LHFPL3: variants seen among roughly 807,000 people sequenced by gnomAD.
LHFPL3 encodes the protein LHFPL tetraspan subfamily member 3 protein.
A neutral mutation model predicts 19.3 loss-of-function variants in LHFPL3; 5 were observed. The ratio of observed to expected loss-of-function variants is 0.26; its 90% CI spans 0.14 to 0.54. LHFPL3 has a LOEUF of 0.54. Among genes scored for constraint, LHFPL3 ranks in the 20% least tolerant of loss-of-function variants. The pLI is 0.94. For synonymous variants in LHFPL3, 133 were observed against 126.2 expected (o/e 1.05, Z -0.36); for missense variants, 249 against 307.4 (o/e 0.81, Z 1.42).
At chr7:104,577,834 A>G (rs1232862328) in intron 1 of LHFPL3, among the ~76,000 whole-genome samples, 1 of 152,192 alleles carries the variant, frequency 6.6e-6, no homozygotes. Context: ...TTCTGGCCCA[A>G]GACTCCTAAT....
chr7:104,674,287 A>T (rs1792545239), intron 1 of LHFPL3, among the ~76,000 whole-genome samples: 1 of 152,106 alleles, frequency 6.6e-6, no homozygotes, highest in Non-Finnish European at 1.5e-5. Context: ...GTAAAAAAAA[A>T]ATCTTAAAAA....
At chr7:104,453,488 A>G (rs1049259617) in intron 1 of LHFPL3, among the ~76,000 whole-genome samples, 1 of 152,156 alleles carries the variant, frequency 6.6e-6, no homozygotes, top group African/African-American at 2.4e-5. Flanking sequence ...TGAGAAAGAC[A>G]TTCCTGGGTT....
At chr7:104,604,659 AT>A (rs1261928736) in intron 1 of LHFPL3, among the ~76,000 whole-genome samples, 2 of 152,242 alleles carry the variant, frequency 1.3e-5, no homozygotes, top group African/African-American at 4.8e-5. Flanking sequence ...AAGTGCTGGA[AT>A]TCTAATCTAC....
At chr7:104,543,531 T>C (rs1202268902) in intron 1 of LHFPL3, among the ~76,000 whole-genome samples, 1 of 151,656 alleles carries the variant, frequency 6.6e-6, no homozygotes, top group East Asian at 1.9e-4. Context: ...CCAACAATGA[T>C]AGACTGGATT....
intron 1 of LHFPL3, among the ~76,000 whole-genome samples, chr7:104,393,362 T>G (rs540884530): frequency 4.9e-4 from 75 of 151,896 alleles, no homozygotes; most frequent in Middle Eastern, 3.4e-3. Context: ...AACATATGCA[T>G]GAAGATCCAT....
chr7:104,592,484 G>C (rs111255073), intron 1 of LHFPL3, among the ~76,000 whole-genome samples: 18 of 151,402 alleles, frequency 1.2e-4, no homozygotes, highest in Non-Finnish European at 2.7e-4. Flanking sequence ...TCTCAGAGGA[G>C]CACCCAGCTG....
intron 2 of LHFPL3, among the ~76,000 whole-genome samples, chr7:104,778,026 C>G (rs896560398): frequency 1.3e-5 from 2 of 152,188 alleles, no homozygotes; most frequent in African/African-American, 2.4e-5. Flanking sequence ...TAAGCTCCTT[C>G]CATGACAATC....
intron 1 of LHFPL3, among the ~76,000 whole-genome samples, chr7:104,355,271 C>T (rs1181430254): frequency 6.6e-6 from 1 of 152,162 alleles, no homozygotes; most frequent in Non-Finnish European, 1.5e-5. Flanking sequence ...CCCCAATTCC[C>T]CCAATGGTAC....
chr7:104,792,706 T>C (rs1280775968), intron 2 of LHFPL3, among the ~76,000 whole-genome samples: 2 of 152,220 alleles, frequency 1.3e-5, no homozygotes, highest in African/African-American at 4.8e-5. Flanking sequence ...AATGAGATGA[T>C]CCACAAATAT....
chr7:104,594,082 T>C (rs1403705616), intron 1 of LHFPL3, among the ~76,000 whole-genome samples: 1 of 152,230 alleles, frequency 6.6e-6, no homozygotes, highest in Non-Finnish European at 1.5e-5. Context: ...GTCATTATGA[T>C]GTTAGCTGGT....
intron 1 of LHFPL3, among the ~76,000 whole-genome samples, chr7:104,458,069 TG>T: frequency 6.6e-6 from 1 of 151,630 alleles, no homozygotes; most frequent in East Asian, 1.9e-4. Flanking sequence ...GTAGGTTGCC[TG>T]TTCACTCTGA....
At chr7:104,480,455 T>A (rs961390421) in intron 1 of LHFPL3, among the ~76,000 whole-genome samples, 1 of 152,080 alleles carries the variant, frequency 6.6e-6, no homozygotes, top group Non-Finnish European at 1.5e-5. Flanking sequence ...GAAAATTCCC[T>A]GTATTTGGAA....
rs111975783 is a variant in LHFPL3 at position 104,649,588 on chromosome 7, C to T, written c.446-87087C>T. ...CAGGAGACCAGCCCAGAGAGGTGGA[C>T]GGGGCCAAACCATAACATTTGATGG... On this transcript the variant is annotated intron_variant, in intron 1 of 2. Transcript: ENST00000424859. 3.4e-4 allele frequency among the ~76,000 whole-genome samples: 51 copies of T among 152,226 alleles called. 2 individuals carry two copies. In the South Asian group the frequency reaches 5.4e-3, roughly 16 times the overall value.
chr7:104,343,319 C>T lies in LHFPL3; in HGVS notation c.445+14095C>T, dbSNP rs138577182. Among the ~76,000 whole-genome samples the T allele has an allele frequency of 2.9e-3, 446 of 151,748 alleles. 4 individuals carry two copies. Among genetic ancestry groups the T allele is most frequent in the African/African-American group, 0.01 (428 of 41,382 alleles). ...CATGAGGTCAGGGGTTCAAGACCAG[C>T]CTGGCCAACAGAGTGAAACCCCATC... On this transcript the variant is annotated intron_variant, in intron 1 of 2. Transcript: ENST00000424859.
chr7:104,758,218 G>C (rs113519061), intron 2 of LHFPL3, among the ~76,000 whole-genome samples: 2 of 152,128 alleles, frequency 1.3e-5, no homozygotes, highest in African/African-American at 4.8e-5. Flanking sequence ...GGCAGGCAAA[G>C]GGTTGAAAAA....
At position 104,573,597 on chromosome 7, in the gene LHFPL3, C is replaced by A. The variant is rs1384270161; in HGVS notation, c.446-163078C>A. Among the ~76,000 whole-genome samples the A allele has an allele frequency of 2.0e-5, 3 of 152,140 alleles. No individual in the cohort carries two copies. In the East Asian group the frequency reaches 5.8e-4, roughly 29 times the overall value. ...CTCCCTTTGGAATTATTTTGTCACC[C>A]CTGTTCACAGCTACATTCACACCTA... On this transcript the variant is annotated intron_variant, in intron 1 of 2. Coordinates refer to ENST00000424859, the MANE Select transcript of LHFPL3 (RefSeq NM_199000.3).
At chr7:104,357,598 G>A (rs1409927697) in intron 1 of LHFPL3, among the ~76,000 whole-genome samples, 1 of 152,154 alleles carries the variant, frequency 6.6e-6, no homozygotes, top group Non-Finnish European at 1.5e-5. Flanking sequence ...AAAACCAAAA[G>A]GAGATAAATA....
intron 1 of LHFPL3, among the ~76,000 whole-genome samples, chr7:104,645,441 GC>G (rs113457359): frequency 1.3e-5 from 2 of 152,074 alleles, no homozygotes; most frequent in African/African-American, 4.8e-5. Context: ...AAATATAATT[GC>G]CCAGTGAAAA....
intron 1 of LHFPL3, among the ~76,000 whole-genome samples, chr7:104,578,979 T>G (rs1049050561): frequency 6.6e-6 from 1 of 152,178 alleles, no homozygotes; most frequent in Non-Finnish European, 1.5e-5. Context: ...GGCCAAGTGT[T>G]TGAAGATGTT....
Sources: allele counts gnomAD v4.1 joint callset (sites outside exome capture counted in the v4.1 genomes callset), GRCh38; gene constraint gnomAD v4.1.1; transcripts MANE v1.5; gene names NCBI Gene and HGNC (gene_info 2026-07-23, HGNC 2026-07-21).